MSRA: variants seen among roughly 807,000 people sequenced by gnomAD.
MSRA encodes mitochondrial peptide methionine sulfoxide reductase.
Under a neutral mutation model 31.3 loss-of-function variants are expected in MSRA, and 54 were observed. The observed-to-expected ratio is 1.73, with a 90% CI of 1.39 to 2.17. The LOEUF (loss-of-function observed/expected upper bound fraction) is 2.17, where lower values mean the gene tolerates loss of function less well. Ranked by LOEUF, MSRA falls within the 30% of genes most tolerant of loss-of-function variation. The pLI is 0.00. For synonymous variants in MSRA, 169 were observed against 116.5 expected (o/e 1.45, Z -2.90); for missense variants, 507 against 300.9 (o/e 1.69, Z -5.07).
At chr8:10,193,265 G>A (rs567363518) in intron 1 of MSRA, among the ~76,000 whole-genome samples, 1 of 152,204 alleles carries the variant, frequency 6.6e-6, no homozygotes, top group African/African-American at 2.4e-5. Flanking sequence ...TTTTGGGCCT[G>A]CCTTAGACCC....
chr8:10,180,092 C>G (rs1806404334), intron 1 of MSRA, among the ~76,000 whole-genome samples: 3 of 152,150 alleles, frequency 2.0e-5, no homozygotes, highest in South Asian at 4.1e-4. Flanking sequence ...TCAAGGCTGC[C>G]CCCAACTTCA....
chr8:10,188,890 C>G lies in MSRA; in HGVS notation c.143-18943C>G, dbSNP rs145258052. 3.9e-5 allele frequency among the ~76,000 whole-genome samples: 6 copies of G among 152,296 alleles called. No homozygotes were observed. In the East Asian group the frequency reaches 1.2e-3, roughly 29 times the overall value. On this transcript the variant is annotated intron_variant, in intron 1 of 5. Transcript: ENST00000317173. ...TTTCACTTAAACTTTAGAGTCAATTCATCAATGTCTACAAAAACCTTTCTG... is the reference window on the plus strand; with the variant it reads ...TTTCACTTAAACTTTAGAGTCAATTGATCAATGTCTACAAAAACCTTTCTG...
At chr8:10,320,050 A>G in intron 5 of MSRA, 61 bp downstream of exon 5, 1 of 1,058,526 alleles carries the variant, frequency 9.4e-7, no homozygotes, top group Non-Finnish European at 1.4e-6. Context: ...CCAGGTTCTG[A>G]TTTTAGAGGG....
intron 1 of MSRA, among the ~76,000 whole-genome samples, chr8:10,110,087 C>T (rs1371797973): frequency 1.3e-5 from 2 of 152,180 alleles, no homozygotes; most frequent in Admixed American, 6.5e-5. Context: ...GTTCATGCCC[C>T]ACACAGACAT....
At chr8:10,273,747 A>C (rs1015432295) in intron 3 of MSRA, among the ~76,000 whole-genome samples, 1 of 152,152 alleles carries the variant, frequency 6.6e-6, no homozygotes, top group East Asian at 1.9e-4. Context: ...TGTGTTCTCA[A>C]CTGAAGTCGA....
At chr8:10,175,948 C>T (rs1370485036) in intron 1 of MSRA, among the ~76,000 whole-genome samples, 1 of 152,200 alleles carries the variant, frequency 6.6e-6, no homozygotes, top group Non-Finnish European at 1.5e-5. Context: ...CATTTTCTTC[C>T]ATTCCATTTT....
intron 1 of MSRA, among the ~76,000 whole-genome samples, chr8:10,143,388 C>G (rs934011107): frequency 6.6e-6 from 1 of 152,164 alleles, no homozygotes; most frequent in Non-Finnish European, 1.5e-5. Context: ...AGTAATTTGC[C>G]TGGTATGGCA....
intron 5 of MSRA, among the ~76,000 whole-genome samples, chr8:10,364,074 C>T (rs749590713): frequency 6.6e-5 from 10 of 152,126 alleles, no homozygotes; most frequent in African/African-American, 2.2e-4. Flanking sequence ...CACACTTAAA[C>T]GATTATTTAA....
At chr8:10,339,041 C>A (rs183022300) in intron 5 of MSRA, among the ~76,000 whole-genome samples, 125 of 152,298 alleles carry the variant, frequency 8.2e-4, no homozygotes, top group African/African-American at 2.9e-3. Flanking sequence ...TATTCTTTTC[C>A]ATTTTTTAAT....
chr8:10,107,971 T>G (rs887757222), intron 1 of MSRA, among the ~76,000 whole-genome samples: 3 of 152,198 alleles, frequency 2.0e-5, no homozygotes, highest in Non-Finnish European at 4.4e-5. Context: ...TCCTCATATT[T>G]AACCCAGCTG....
At chr8:10,204,444 A>AT (rs1705435905) in intron 1 of MSRA, among the ~76,000 whole-genome samples, 1 of 152,028 alleles carries the variant, frequency 6.6e-6, no homozygotes, top group Admixed American at 6.6e-5. Flanking sequence ...TTTATACTGT[A>AT]TTTTTACCGT....
intron 5 of MSRA, among the ~76,000 whole-genome samples, chr8:10,363,738 C>CCACACACACACACACACA (rs71203319): frequency 0.11 from 10,923 of 103,144 alleles, 1,231 homozygotes; most frequent in Non-Finnish European, 0.13. Flanking sequence ...GATGCAGTCA[C>CCACACACACACACACACA]CACACACACA....
chr8:10,054,354 T>G lies in MSRA; in HGVS notation c.-163T>G. 3.3e-6 allele frequency: 2 copies of G among 605,536 alleles called. No homozygotes were observed. The highest frequency in any genetic ancestry group is 4.1e-5 in the East Asian group (1 of 24,194). The allele number at this position is 605,536 out of a possible 1,614,324, so 37.5% of individuals were successfully genotyped here. On this transcript the variant is annotated 5_prime_UTR_variant, in exon 1 of 6. Coordinates refer to ENST00000317173, the MANE Select transcript of MSRA (RefSeq NM_012331.5). ...CGGCCCCGGGTTTGGGCAACCTCGA[T>G]TACGGGCGGCCTCCAGCCCCGCCAG...
intron 5 of MSRA, among the ~76,000 whole-genome samples, chr8:10,328,108 C>G (rs1007952376): frequency 7.1e-6 from 1 of 139,958 alleles, no homozygotes; most frequent in Admixed American, 7.3e-5. Flanking sequence ...CTAGAACTAC[C>G]CTCTGGACTC....
chr8:10,103,566 C>A (rs1414591176), intron 1 of MSRA, among the ~76,000 whole-genome samples: 2 of 152,060 alleles, frequency 1.3e-5, no homozygotes, highest in East Asian at 1.9e-4. Context: ...TGCCTGAAAG[C>A]AATTTAGCTG....
chr8:10,179,298 A>G (rs1029117806), intron 1 of MSRA, among the ~76,000 whole-genome samples: 3 of 152,214 alleles, frequency 2.0e-5, no homozygotes, highest in African/African-American at 7.2e-5. Flanking sequence ...GGTACCAAGG[A>G]CAGAAGGAAG....
intron 5 of MSRA, among the ~76,000 whole-genome samples, chr8:10,390,050 C>T (rs1340460045): frequency 6.6e-6 from 1 of 152,230 alleles, no homozygotes; most frequent in Non-Finnish European, 1.5e-5. Context: ...CCATGTGTCT[C>T]ACAGAGCCCT....
At chr8:10,118,519 C>T (rs1012515471) in intron 1 of MSRA, among the ~76,000 whole-genome samples, 1 of 152,078 alleles carries the variant, frequency 6.6e-6, no homozygotes. Flanking sequence ...CTATTTCCCC[C>T]ACCATAGAGT....
At chr8:10,273,145 C>G (rs1025207869) in intron 3 of MSRA, among the ~76,000 whole-genome samples, 3 of 152,172 alleles carry the variant, frequency 2.0e-5, no homozygotes, top group Non-Finnish European at 4.4e-5. Flanking sequence ...TCAGTAGGAA[C>G]TATTTGAATT....
Sources: gnomAD v4.1 joint callset for allele counts (sites outside exome capture counted in the v4.1 genomes callset) on GRCh38, gnomAD v4.1.1 for gene constraint, MANE v1.5 for transcripts, NCBI Gene and HGNC (gene_info 2026-07-23, HGNC 2026-07-21) for gene names.